OR7D4: variants seen among roughly 807,000 people sequenced by gnomAD.
OR7D4 encodes olfactory receptor family 7 subfamily D member 4.
For synonymous variants in OR7D4, 154 were observed against 158.4 expected, an observed-to-expected ratio of 0.97 and a Z score of 0.21; for missense variants, 319 against 377.1, an observed-to-expected ratio of 0.85 and a Z score of 1.27.
chr19:9,217,316 C>A (rs923142860), intron 1 of OR7D4, among the ~76,000 whole-genome samples: 4 of 151,882 alleles, frequency 2.6e-5, no homozygotes, highest in African/African-American at 9.7e-5. Flanking sequence ...TTCTATAAAT[C>A]AAATCATCCT....
chr19:9,217,376 A>G (rs764309042), intron 1 of OR7D4, among the ~76,000 whole-genome samples: 26 of 152,254 alleles, frequency 1.7e-4, no homozygotes, highest in Non-Finnish European at 3.5e-4. Flanking sequence ...TGCATTTTTC[A>G]TGATGGAAAA....
intron 1 of OR7D4, among the ~76,000 whole-genome samples, chr19:9,215,949 G>C (rs926005558): frequency 1.3e-5 from 2 of 152,118 alleles, no homozygotes; most frequent in Non-Finnish European, 2.9e-5. Context: ...ACAGTTCCAC[G>C]TGGCTGGGGA....
Position 9,213,992 on chromosome 19 carries a change from G to A in OR7D4, c.846C>T (p.Thr282=). Residue 282 remains threonine, a synonymous_variant, in exon 2 of 2, where the codon ACC becomes ACT. Coordinates refer to ENST00000641669, the MANE Select transcript of OR7D4 (RefSeq NM_001005191.3). ...STASVMYAMV[T]PMLNPFIYSL... ...TGTAGATGAAGGGGTTCAGCATGGG[G>A]GTGACCATGGCGTACATCACTGAGG... 1 of 1,614,126 alleles carries A rather than the reference G, an allele frequency of 6.2e-7. No homozygotes were observed. Among genetic ancestry groups the A allele is most frequent in the Admixed American group, 1.7e-5 (1 of 60,014 alleles).
chr19:9,215,446 A>C (rs1349132650), intron 1 of OR7D4, among the ~76,000 whole-genome samples: 1 of 151,954 alleles, frequency 6.6e-6, no homozygotes, highest in Non-Finnish European at 1.5e-5. Context: ...TTTGGTGTGA[A>C]TCTTCCAAAA....
rs61732676 is a variant in OR7D4 at position 9,214,082 on chromosome 19, A to G, written c.756T>C (p.Tyr252=). The change falls in exon 2 of 2, where the codon TAT becomes TAC. Residue 252 remains tyrosine (Y), a synonymous_variant. Transcript: ENST00000641669. Reference sequence around the variant, plus strand: ...TCAGATAGACCCCAAGTCCTGTTCCATAGAACAAGGAGACCACACAGAGGT... The same window carrying G: ...TCAGATAGACCCCAAGTCCTGTTCCGTAGAACAAGGAGACCACACAGAGGT... The part of the protein sequence containing the change: ...GSHLCVVSLF[Y]GTGLGVYLSS... The G allele has an allele frequency of 0.012, 19,967 of 1,614,068 alleles. 83 individuals carry two copies. Among genetic ancestry groups the G allele is most frequent in the Non-Finnish European group, 0.015 (17,782 of 1,179,900 alleles).
rs1380810376 is a variant in OR7D4, at chr19:9,214,174, C to A, written c.664G>T (p.Val222Phe). The A allele has an allele frequency of 6.2e-7, 1 of 1,613,988 alleles. No individual in the cohort carries two copies. The highest frequency in any genetic ancestry group is 1.3e-5 in the African/African-American group (1 of 74,894). Residue 222 changes from valine (V) to phenylalanine (F), a missense_variant, in exon 2 of 2, where the codon GTC (valine) becomes TTC (phenylalanine). Coordinates refer to ENST00000641669, the MANE Select transcript of OR7D4 (RefSeq NM_001005191.3). Reference sequence around the variant, plus strand: ...GAGGACATTCCCATTAAGGAGGAGACAATCTGAGAGTAGGAGAAGAGGATC... The same window carrying A: ...GAGGACATTCCCATTAAGGAGGAGAAAATCTGAGAGTAGGAGAAGAGGATC... Reference protein sequence around the residue: ...AGILFSYSQIVSSLMGMSSTK... With the variant: ...AGILFSYSQIFSSLMGMSSTK...
At chr19:9,215,845 A>G (rs1398761170) in intron 1 of OR7D4, among the ~76,000 whole-genome samples, 1 of 152,214 alleles carries the variant, frequency 6.6e-6, no homozygotes, top group Non-Finnish European at 1.5e-5. Flanking sequence ...TTTTAGAATA[A>G]AATTCTGATC....
rs761079089 is a variant in OR7D4, at chr19:9,214,258, G to A, written c.580C>T (p.Leu194Phe). 6 of 1,613,998 alleles carry A rather than the reference G, an allele frequency of 3.7e-6. No individual in the cohort carries two copies. Among genetic ancestry groups the A allele is most frequent in the African/African-American group, 1.3e-5 (1 of 74,914 alleles). Residue 194 changes from leucine (L) to phenylalanine (F), a missense_variant, in exon 2 of 2, where the codon CTC (leucine) becomes TTC (phenylalanine). By Grantham distance (22) the Leu-to-Phe change is conservative (BLOSUM62 0). Transcript: ENST00000641669. ...VLKVACSNTLLNNIVLYVATA... is the reference protein window; with the variant it reads ...VLKVACSNTLFNNIVLYVATA... ...GCCACATACAAGACAATGTTATTGA[G>A]GAGGGTGTTAGAGCAGGCCACCTTG...
intron 1 of OR7D4, among the ~76,000 whole-genome samples, chr19:9,216,537 G>T (rs1212136844): frequency 1.3e-5 from 2 of 152,258 alleles, no homozygotes; most frequent in African/African-American, 4.8e-5. Context: ...CATGTCATTT[G>T]TCTACTATGA....
intron 1 of OR7D4, among the ~76,000 whole-genome samples, chr19:9,215,235 A>G (rs147265320): frequency 0.013 from 1,891 of 150,378 alleles, 37 homozygotes; most frequent in African/African-American, 0.043. Flanking sequence ...CCCAGTTACT[A>G]AGGAGGCTGA....
chr19:9,214,731 A>G lies in OR7D4; in HGVS notation c.107T>C (p.Leu36Pro). 1 of 1,614,082 alleles carries G rather than the reference A, an allele frequency of 6.2e-7. No homozygotes were observed. Among genetic ancestry groups the G allele is most frequent in the Non-Finnish European group, 8.5e-7 (1 of 1,179,948 alleles). The change falls in exon 2 of 2, where the codon CTG becomes CCG. Residue 36 changes from leucine to proline, a missense_variant. Physicochemically the swap from Leu to Pro is moderately conservative, Grantham distance 98. Coordinates refer to ENST00000641669, the MANE Select transcript of OR7D4 (RefSeq NM_001005191.3). Reference protein sequence around the residue: ...VLFGLFLSMYLVTVLGNLLII... With the variant: ...VLFGLFLSMYPVTVLGNLLII... ...GAGCAGGTTCCCCAGCACCGTGACCAGGTACATGGACAGGAACAGCCCAAA... is the reference window on the plus strand; with the variant it reads ...GAGCAGGTTCCCCAGCACCGTGACCGGGTACATGGACAGGAACAGCCCAAA...
At position 9,216,612 on chromosome 19, in the gene OR7D4, G is replaced by T. The variant is rs151268103; in HGVS notation, c.-13-1762C>A. On this transcript the variant is annotated intron_variant, in intron 1 of 1. Transcript: ENST00000641669. ...TTTGTTCTTTTGCTTTTTTTTTTGA[G>T]ACAGAGTCTCACTCTGTTGACCAGG... 2.6e-5 allele frequency among the ~76,000 whole-genome samples: 4 copies of T among 151,448 alleles called. No individual in the cohort carries two copies. The East Asian group carries it at 7.8e-4, about 29-fold the overall frequency.
At position 9,214,806 on chromosome 19, in the gene OR7D4, T is replaced by A; in HGVS notation, c.32A>T (p.Lys11Ile). 6.2e-7 allele frequency: 1 copy of A among 1,610,250 alleles called. No homozygotes were observed. The highest frequency in any genetic ancestry group is 8.5e-7 in the Non-Finnish European group (1 of 1,178,302). The change falls in exon 2 of 2, where the codon AAA becomes ATA. Residue 11 changes from lysine to isoleucine, a missense_variant. Physicochemically the swap from Lys to Ile is moderately radical, Grantham distance 102. Coordinates refer to ENST00000641669, the MANE Select transcript of OR7D4 (RefSeq NM_001005191.3). MEAENLTELS[K>I]FLLLGLSDDP... ...ATCTGAGAGTCCCAGGAGGAGAAAT[T>A]TTGATAATTCTGTAAGGTTTTCTGC...
chr19:9,214,456 G>T lies in OR7D4; in HGVS notation c.382C>A (p.His128Asn), dbSNP rs1286907560. The change falls in exon 2 of 2, where the codon CAC becomes AAC. Residue 128 changes from histidine to asparagine, a missense_variant. Physicochemically the swap from His to Asn is moderately conservative, Grantham distance 68 (BLOSUM62 1). Transcript: ENST00000641669. Reference sequence around the variant, plus strand: ...ATGATGACCGTGTAGTGCAGTGGGTGGCAGATGGCCACAAACCGGTCATAG... The same window carrying T: ...ATGATGACCGTGTAGTGCAGTGGGTTGCAGATGGCCACAAACCGGTCATAG... ...MAYDRFVAIC[H>N]PLHYTVIMNP... 6.2e-7 allele frequency: 1 copy of T among 1,614,150 alleles called. No homozygotes were observed.
Position 9,214,575 on chromosome 19 carries a change from C to A in OR7D4, c.263G>T (p.Arg88Leu). ...VPKMLVSIQA[R>L]SKDISYMGCL... ...CCCCATGTAGGAGATGTCTTTGCTC[C>A]GTGCCTGGATGCTCACTAGCATCTT... Residue 88 changes from arginine (R) to leucine (L), a missense_variant, in exon 2 of 2, where the codon CGG becomes CTG. Coordinates refer to ENST00000641669, the MANE Select transcript of OR7D4 (RefSeq NM_001005191.3). The A allele has an allele frequency of 6.2e-7, 1 of 1,614,074 alleles. No individual in the cohort carries two copies. Among genetic ancestry groups the A allele is most frequent in the Admixed American group, 1.7e-5 (1 of 60,002 alleles).
Position 9,219,537 on chromosome 19 carries a change from T to G in OR7D4, c.-351A>C, listed in dbSNP as rs2051240519. 1 of 152,188 alleles carries G rather than the reference T, an allele frequency of 6.6e-6. No individual in the cohort carries two copies. Among genetic ancestry groups the G allele is most frequent in the Non-Finnish European group, 1.5e-5 (1 of 68,044 alleles). The allele number at this position is 152,188 out of a possible 1,614,324, so 9.4% of individuals were successfully genotyped here. A position where few individuals can be genotyped will look rare whatever the true frequency, so the allele number is the denominator to read the frequency against. The stretch of plus-strand genomic sequence containing the variant: ...CCAGCCCTCACTGGGTCACACTAAC[T>G]CTGATGGTTATCACTGAAGTTTTCT... On this transcript the variant is annotated 5_prime_UTR_variant, in exon 1 of 2. Coordinates refer to ENST00000641669, the MANE Select transcript of OR7D4 (RefSeq NM_001005191.3).
At chr19:9,218,398 TAAAC>T (rs2051233080) in intron 1 of OR7D4, among the ~76,000 whole-genome samples, 1 of 152,116 alleles carries the variant, frequency 6.6e-6, no homozygotes, top group Non-Finnish European at 1.5e-5. Context: ...AGAGAAATCA[TAAAC>T]AAAATCACAA....
intron 1 of OR7D4, among the ~76,000 whole-genome samples, chr19:9,215,061 T>C (rs534169566): frequency 1.2e-4 from 18 of 152,134 alleles, no homozygotes; most frequent in African/African-American, 4.1e-4. Flanking sequence ...ATCTCTCTCT[T>C]TGGCCGGGCA....
At position 9,213,995 on chromosome 19, in the gene OR7D4, G is replaced by A. The variant is rs749192734; in HGVS notation, c.843C>T (p.Val281=). ...SSTASVMYAM[V]TPMLNPFIYS... is the part of the protein sequence containing the mutation. ...AGATGAAGGGGTTCAGCATGGGGGTGACCATGGCGTACATCACTGAGGCGG... is the reference window on the plus strand; with the variant it reads ...AGATGAAGGGGTTCAGCATGGGGGTAACCATGGCGTACATCACTGAGGCGG... The change falls in exon 2 of 2, where the codon GTC becomes GTT. Residue 281 remains valine (V), a synonymous_variant. Coordinates refer to ENST00000641669, the MANE Select transcript of OR7D4 (RefSeq NM_001005191.3). 1.9e-6 allele frequency: 3 copies of A among 1,614,118 alleles called. No homozygotes were observed. The highest frequency in any genetic ancestry group is 2.5e-6 in the Non-Finnish European group (3 of 1,179,992).
Sources: allele counts gnomAD v4.1 joint callset (sites outside exome capture counted in the v4.1 genomes callset), GRCh38; gene constraint gnomAD v4.1.1; transcripts MANE v1.5; gene names NCBI Gene and HGNC (gene_info 2026-07-23, HGNC 2026-07-21).